RFX3: variants seen among roughly 807,000 people sequenced by gnomAD.
RFX3 encodes the protein regulatory factor X3.
Under a neutral mutation model 98.6 loss-of-function variants are expected in RFX3, and 14 were observed. The ratio of observed to expected loss-of-function variants is 0.14; its 90% confidence interval spans 0.09 to 0.22. RFX3 has a LOEUF of 0.22. RFX3 is among the 10% of genes least tolerant of loss of function. RFX3 has a pLI of 1.00. For synonymous variants in RFX3, 383 were observed against 328.4 expected (o/e 1.17, Z -1.80); for missense variants, 639 against 926.9 (o/e 0.69, Z 4.03).
intron 1 of RFX3, among the ~76,000 whole-genome samples, chr9:3,452,798 G>C (rs1846780623): frequency 6.6e-6 from 1 of 152,004 alleles, no homozygotes; most frequent in African/African-American, 2.4e-5. Context: ...TATTACACAG[G>C]GAATACTATA....
intron 7 of RFX3, among the ~76,000 whole-genome samples, chr9:3,282,395 A>G (rs1302337442): frequency 6.6e-6 from 1 of 151,748 alleles, no homozygotes. Context: ...TCTCTTCATT[A>G]GCTTTACATC....
At chr9:3,443,867 GT>G (rs1220437898) in intron 1 of RFX3, among the ~76,000 whole-genome samples, 1 of 152,098 alleles carries the variant, frequency 6.6e-6, no homozygotes, top group East Asian at 1.9e-4. Flanking sequence ...GCCAGCAGCT[GT>G]TTTTTGACTT....
At chr9:3,488,953 C>G (rs921067981) in intron 1 of RFX3, 7 of 885,546 alleles carry the variant, frequency 7.9e-6, no homozygotes, top group African/African-American at 1.8e-5. Context: ...CCTGTGAAGA[C>G]TGATGGATTC....
chr9:3,423,562 T>A (rs1394372826), intron 1 of RFX3, among the ~76,000 whole-genome samples: 2 of 151,936 alleles, frequency 1.3e-5, no homozygotes, highest in East Asian at 3.9e-4. Flanking sequence ...TCCATTTATG[T>A]GAAATTCTAG....
chr9:3,467,449 C>T (rs2133165974), intron 1 of RFX3, among the ~76,000 whole-genome samples: 1 of 151,472 alleles, frequency 6.6e-6, no homozygotes, highest in East Asian at 1.9e-4. Context: ...AGGCTTGCAA[C>T]TGAGAAAGTA....
intron 1 of RFX3, among the ~76,000 whole-genome samples, chr9:3,504,900 T>TTA (rs372833954): frequency 0.068 from 4,270 of 62,650 alleles, 212 homozygotes; most frequent in East Asian, 0.16. Flanking sequence ...ATAACATATA[T>TTA]TATATATATA....
chr9:3,394,287 C>A (rs894704181), intron 2 of RFX3, among the ~76,000 whole-genome samples: 3 of 152,050 alleles, frequency 2.0e-5, no homozygotes, highest in African/African-American at 7.2e-5. Flanking sequence ...CATGGTGAAA[C>A]CCCGTCTCTA....
chr9:3,431,315 G>A (rs1844637339), intron 1 of RFX3, among the ~76,000 whole-genome samples: 3 of 152,194 alleles, frequency 2.0e-5, no homozygotes, highest in Admixed American at 1.3e-4. Context: ...GATGCTGCAA[G>A]TGCTCCCAAG....
At position 3,279,667 on chromosome 9, in the gene RFX3, T is replaced by C. The variant is rs566355136; in HGVS notation, c.852-2206A>G. Among the ~76,000 whole-genome samples the C allele has an allele frequency of 7.9e-5, 12 of 151,974 alleles. No individual in the cohort carries two copies. In the South Asian group the frequency reaches 2.5e-3, roughly 31 times the overall value. ...AAGTTTTCAAAAGACAGATGTTACA[T>C]CACAATCTAACTGCGCACAATGCTT... On this transcript the variant is annotated intron_variant, in intron 7 of 16. Coordinates refer to ENST00000617270, the MANE Select transcript of RFX3 (RefSeq NM_001282116.2).
intron 2 of RFX3, among the ~76,000 whole-genome samples, chr9:3,357,839 T>C (rs982500121): frequency 1.3e-5 from 2 of 152,064 alleles, no homozygotes; most frequent in Admixed American, 1.3e-4. Flanking sequence ...TGTATCAAAA[T>C]AACACATGTA....
intron 2 of RFX3, among the ~76,000 whole-genome samples, chr9:3,366,732 T>TTCTTTC (rs1450899267): frequency 9.4e-5 from 14 of 149,380 alleles, no homozygotes; most frequent in African/African-American, 3.5e-4. Context: ...CTTTCTTTCT[T>TTCTTTC]TCTTTCTTTC....
chr9:3,352,599 T>A (rs957919067), intron 2 of RFX3, among the ~76,000 whole-genome samples: 1 of 152,108 alleles, frequency 6.6e-6, no homozygotes, highest in Admixed American at 6.6e-5. Flanking sequence ...TGAAAGATTA[T>A]AAGACTTCCA....
rs996213173 is a variant in RFX3, at chr9:3,225,071, C to T, written c.2221G>A (p.Ala741Thr). 2.3e-5 allele frequency: 37 copies of T among 1,613,792 alleles called. No homozygotes were observed. The highest frequency in any genetic ancestry group is 6.7e-5 in the Admixed American group (4 of 59,942). Residue 741 changes from alanine (A) to threonine (T), a missense_variant, in exon 17 of 17, where the codon GCT becomes ACT. Ala to Thr is a moderately conservative substitution (Grantham distance 58). Around this residue, in one of 9 missense-constraint regions of RFX3, gnomAD observed 129 missense variants for 124.6 expected, o/e 1.04. Coordinates refer to ENST00000617270, the MANE Select transcript of RFX3 (RefSeq NM_001282116.2). ...ACTGCAGTGTAGGTATTTCCTGTAG[C>T]GCTGCACTGTCTGATAGTCTGAGTA... Reference protein sequence around the residue: ...TSTQTIRQCSATGNTYTAV With the variant: ...TSTQTIRQCSTTGNTYTAV
chr9:3,355,440 C>A (rs1042541420), intron 2 of RFX3, among the ~76,000 whole-genome samples: 1 of 151,478 alleles, frequency 6.6e-6, no homozygotes, highest in East Asian at 1.9e-4. Context: ...GACTTCAGGA[C>A]AAAGAATATT....
chr9:3,419,647 G>A (rs1244803231), intron 1 of RFX3, among the ~76,000 whole-genome samples: 1 of 152,122 alleles, frequency 6.6e-6, no homozygotes, highest in Non-Finnish European at 1.5e-5. Flanking sequence ...TTCTCCGTTG[G>A]TATCTGCAGG....
intron 2 of RFX3, among the ~76,000 whole-genome samples, chr9:3,381,769 G>A (rs979580478): frequency 6.6e-6 from 1 of 151,882 alleles, no homozygotes; most frequent in Admixed American, 6.6e-5. Flanking sequence ...TAATAACCCA[G>A]AAACACCAAA....
At chr9:3,428,657 G>A (rs959519227) in intron 1 of RFX3, among the ~76,000 whole-genome samples, 1 of 152,036 alleles carries the variant, frequency 6.6e-6, no homozygotes, top group Admixed American at 6.5e-5. Flanking sequence ...AAGTTAGTCT[G>A]ATCTCACTGC....
chr9:3,304,832 A>G (rs560760594), intron 4 of RFX3, among the ~76,000 whole-genome samples: 1 of 152,142 alleles, frequency 6.6e-6, no homozygotes, highest in East Asian at 1.9e-4. Flanking sequence ...CAGCATGAGA[A>G]CGGACTAATA....
chr9:3,324,291 T>C (rs1831640880), intron 4 of RFX3, among the ~76,000 whole-genome samples: 1 of 152,184 alleles, frequency 6.6e-6, no homozygotes, highest in South Asian at 2.1e-4. Context: ...AATTTATGCA[T>C]ACTTCTAACT....
Sources: gnomAD v4.1 joint callset for allele counts (sites outside exome capture counted in the v4.1 genomes callset) on GRCh38, gnomAD v4.1.1 for gene constraint, gnomAD v4.1.1 regional missense constraint, MANE v1.5 for transcripts, NCBI Gene and HGNC (gene_info 2026-07-23, HGNC 2026-07-21) for gene names.